Variants in LPP observed in about 807,000 individuals in gnomAD.
The protein encoded by LPP is LIM domain containing preferred translocation partner in lipoma.
A neutral mutation model predicts 60.4 loss-of-function variants in LPP; 38 were observed. The observed-to-expected ratio is 0.63, with a 90% CI of 0.49 to 0.83. LPP has a LOEUF of 0.83. Among genes scored for constraint, LPP ranks in the 40% least tolerant of loss-of-function variants. The probability of loss-of-function intolerance (pLI) is 0.00; values close to 1 mark genes in which losing one functional copy is unlikely to be tolerated. For missense variants in LPP, 902 were observed against 783.6 expected, an observed-to-expected ratio of 1.15 and a Z score of -1.80; for synonymous variants, 328 against 290.8, an observed-to-expected ratio of 1.13 and a Z score of -1.30.
intron 6 of LPP, among the ~76,000 whole-genome samples, chr3:188,580,953 A>G (rs1835938940): frequency 2.0e-5 from 3 of 151,970 alleles, no homozygotes; most frequent in Non-Finnish European, 2.9e-5. Flanking sequence ...AGACCTTTCA[A>G]CTGATTGAAT....
intron 7 of LPP, among the ~76,000 whole-genome samples, chr3:188,624,997 G>A (rs1341818361): frequency 6.6e-6 from 1 of 150,436 alleles, no homozygotes; most frequent in Non-Finnish European, 1.5e-5. Context: ...ATGTTATCAT[G>A]TGAGGGAAGT....
chr3:188,746,015 G>A (rs988792462), intron 8 of LPP, among the ~76,000 whole-genome samples: 1 of 152,014 alleles, frequency 6.6e-6, no homozygotes, highest in Non-Finnish European at 1.5e-5. Context: ...TTCCCATATC[G>A]CATGGATAGC....
At chr3:188,623,908 T>G (rs973110062) in intron 7 of LPP, among the ~76,000 whole-genome samples, 1 of 152,196 alleles carries the variant, frequency 6.6e-6, no homozygotes, top group African/African-American at 2.4e-5. Context: ...CTTTTTCATC[T>G]TCTAGCCTGC....
At chr3:188,767,733 T>C (rs1489507311) in intron 9 of LPP, among the ~76,000 whole-genome samples, 2 of 152,078 alleles carry the variant, frequency 1.3e-5, no homozygotes, top group Non-Finnish European at 2.9e-5. Flanking sequence ...TCTTAGAAAG[T>C]AGTGATGATG....
intron 7 of LPP, among the ~76,000 whole-genome samples, chr3:188,698,927 G>A (rs1193701135): frequency 6.6e-6 from 1 of 152,188 alleles, no homozygotes; most frequent in East Asian, 1.9e-4. Context: ...ACACTACACT[G>A]AAGTCCTTTA....
intron 3 of LPP, among the ~76,000 whole-genome samples, chr3:188,351,513 C>T (rs988885855): frequency 6.6e-6 from 1 of 152,114 alleles, no homozygotes; most frequent in Non-Finnish European, 1.5e-5. Context: ...ACAGGTGCTG[C>T]TGCTGCTGTA....
intron 9 of LPP, among the ~76,000 whole-genome samples, chr3:188,847,828 A>G (rs1430756581): frequency 6.6e-6 from 1 of 152,226 alleles, no homozygotes; most frequent in East Asian, 1.9e-4. Flanking sequence ...ATAACTGGGT[A>G]ATGTTATTTA....
At chr3:188,390,102 G>A (rs113265835) in intron 3 of LPP, among the ~76,000 whole-genome samples, 35 of 152,294 alleles carry the variant, frequency 2.3e-4, no homozygotes, top group African/African-American at 1.4e-4. Context: ...AGGTAGAAGC[G>A]TCATTTTCTT....
At chr3:188,830,467 G>A (rs1251509114) in intron 9 of LPP, among the ~76,000 whole-genome samples, 2 of 151,948 alleles carry the variant, frequency 1.3e-5, no homozygotes, top group African/African-American at 4.8e-5. Context: ...TTAGCCAGGT[G>A]TGGTGGCACG....
rs1433317152 is a variant in LPP, at chr3:188,886,764, A to ACACACACC, written c.*12286_*12287insACACACCC. The ACACACACC allele has an allele frequency of 8.5e-5, 19 of 223,306 alleles. No individual in the cohort carries two copies. The highest frequency in any genetic ancestry group is 1.2e-4 in the Non-Finnish European group (14 of 114,790). The allele number at this position is 223,306 out of a possible 1,614,324, so 13.8% of individuals were successfully genotyped here. On this transcript the variant is annotated 3_prime_UTR_variant, in exon 12 of 12. Transcript: ENST00000617246. ...CACACACACACACACACACACACAC[A>ACACACACC]CCCCTTCCAAGAAAGCTGATCCTTC...
At chr3:188,166,581 A>C (rs1024096973) in intron 1 of LPP, among the ~76,000 whole-genome samples, 1 of 152,226 alleles carries the variant, frequency 6.6e-6, no homozygotes, top group Admixed American at 6.5e-5. Context: ...TTATTGTCCA[A>C]GTTTAATCAG....
Position 188,872,653 on chromosome 3 carries a change from C to A in LPP, c.1600C>A (p.Pro534Thr). The A allele has an allele frequency of 6.2e-7, 1 of 1,614,102 alleles. No individual in the cohort carries two copies. Among genetic ancestry groups the A allele is most frequent in the Non-Finnish European group, 8.5e-7 (1 of 1,180,008 alleles). The change falls in exon 11 of 12, where the codon CCG becomes ACG. Residue 534 changes from proline to threonine, a missense_variant. Coordinates refer to ENST00000617246, the MANE Select transcript of LPP (RefSeq NM_001375462.1). ...CIEDFHKKFA[P>T]RCSVCKEPIM... ...TCTCTTCACTTTCAGGAAATTTGCC[C>A]CGCGATGTTCTGTGTGCAAGGAGCC...
At chr3:188,308,899 CCTT>C (rs1752393354) in intron 2 of LPP, among the ~76,000 whole-genome samples, 1 of 151,664 alleles carries the variant, frequency 6.6e-6, no homozygotes, top group African/African-American at 2.4e-5. Flanking sequence ...TTCTCCTACT[CCTT>C]CTCCTTCTTC....
intron 1 of LPP, among the ~76,000 whole-genome samples, chr3:188,215,834 G>A (rs1038235482): frequency 1.1e-4 from 16 of 152,158 alleles, no homozygotes; most frequent in Non-Finnish European, 2.9e-5. Flanking sequence ...ATTCTAATTG[G>A]CAAGAGTGTG....
chr3:188,843,516 G>T (rs527587612), intron 9 of LPP, among the ~76,000 whole-genome samples: 1 of 151,972 alleles, frequency 6.6e-6, no homozygotes, highest in South Asian at 2.1e-4. Context: ...GGCTGGGCGC[G>T]GTGGCTCACG....
intron 6 of LPP, among the ~76,000 whole-genome samples, chr3:188,537,546 T>C (rs1823963115): frequency 6.6e-6 from 1 of 152,200 alleles, no homozygotes; most frequent in Non-Finnish European, 1.5e-5. Flanking sequence ...TATTCCTTTA[T>C]TCACTGATTA....
intron 9 of LPP, among the ~76,000 whole-genome samples, chr3:188,780,538 G>A (rs534087698): frequency 6.6e-6 from 1 of 152,266 alleles, no homozygotes; most frequent in African/African-American, 2.4e-5. Flanking sequence ...AGGAATTCAA[G>A]CTCAGGGCTG....
intron 4 of LPP, among the ~76,000 whole-genome samples, chr3:188,462,555 T>C (rs1009796140): frequency 2.7e-5 from 1 of 36,764 alleles, no homozygotes; most frequent in Non-Finnish European, 5.4e-5. Context: ...TATATATATA[T>C]ATATATATAT....
intron 4 of LPP, among the ~76,000 whole-genome samples, chr3:188,476,170 G>C (rs536487848): frequency 6.6e-6 from 1 of 152,260 alleles, no homozygotes; most frequent in Non-Finnish European, 1.5e-5. Context: ...TTCTTCTTTG[G>C]AGTATAAGTT....
Sources: allele counts gnomAD v4.1 joint callset (sites outside exome capture counted in the v4.1 genomes callset), GRCh38; gene constraint gnomAD v4.1.1; transcripts MANE v1.5; gene names NCBI Gene and HGNC (gene_info 2026-07-23, HGNC 2026-07-21).